The following SRGAP1 variants were observed in gnomAD, a reference collection of about 807,000 sequenced individuals.
The protein encoded by SRGAP1 is SLIT-ROBO Rho GTPase-activating protein 1.
Under a neutral mutation model 121.9 loss-of-function variants are expected in SRGAP1, and 43 were observed. That is an observed-to-expected ratio of 0.35 (90% CI 0.28 to 0.46). The LOEUF (loss-of-function observed/expected upper bound fraction) is 0.46, where lower values mean the gene tolerates loss of function less well. Among genes scored for constraint, SRGAP1 ranks in the 20% least tolerant of loss-of-function variants. SRGAP1 has a pLI of 1.00. For synonymous variants in SRGAP1, 447 were observed against 485.4 expected (o/e 0.92, Z 1.04); for missense variants, 1,102 against 1,350.9 (o/e 0.82, Z 2.89).
intron 1 of SRGAP1, among the ~76,000 whole-genome samples, chr12:63,963,058 G>C (rs1002639531): frequency 1.3e-5 from 2 of 152,090 alleles, no homozygotes; most frequent in African/African-American, 4.8e-5. Context: ...TACATTTATA[G>C]CTTATATACT....
chr12:64,068,344 A>T (rs1304890033), intron 8 of SRGAP1, among the ~76,000 whole-genome samples: 1 of 151,692 alleles, frequency 6.6e-6, no homozygotes, highest in African/African-American at 2.4e-5. Flanking sequence ...ATGAAAAAAA[A>T]ATTTTTTTTG....
intron 11 of SRGAP1, among the ~76,000 whole-genome samples, chr12:64,088,527 A>G (rs2035987768): frequency 6.6e-6 from 1 of 152,188 alleles, no homozygotes; most frequent in African/African-American, 2.4e-5. Flanking sequence ...TAGGAAACCA[A>G]ATTATCAGGA....
At position 64,110,801 on chromosome 12, in the gene SRGAP1, T is replaced by C. The variant is rs569650649; in HGVS notation, c.1920-961T>C. ...TATGTTAGCTATGGAAATTATGCTT[T>C]TGTATTTTCTACTTCCTAGACTATC... is the stretch of plus-strand genomic sequence containing the variant. On this transcript the variant is annotated intron_variant, in intron 16 of 21. Coordinates refer to ENST00000355086, the MANE Select transcript of SRGAP1 (RefSeq NM_020762.4). Among the ~76,000 whole-genome samples, 42 of 152,310 alleles carry C rather than the reference T, an allele frequency of 2.8e-4. 1 individual carries two copies. In the South Asian group the frequency reaches 5.8e-3, roughly 21 times the overall value.
intron 1 of SRGAP1, among the ~76,000 whole-genome samples, chr12:63,981,954 C>G (rs2033264671): frequency 6.6e-6 from 1 of 151,874 alleles, no homozygotes; most frequent in African/African-American, 2.4e-5. Flanking sequence ...TGGCTCACGC[C>G]TGTAATCCCA....
chr12:64,087,095 A>T, intron 11 of SRGAP1, 69 bp downstream of exon 11: 1 of 1,194,082 alleles, frequency 8.4e-7, no homozygotes, highest in Non-Finnish European at 1.2e-6. Flanking sequence ...AACCATTTCA[A>T]TGCTGAAAGA....
chr12:63,851,037 TC>T (rs1296712326), intron 1 of SRGAP1, among the ~76,000 whole-genome samples: 1 of 152,036 alleles, frequency 6.6e-6, no homozygotes, highest in African/African-American at 2.4e-5. Flanking sequence ...GTATCTATAA[TC>T]CCAGCTACTC....
At chr12:63,868,329 C>T (rs921103907) in intron 1 of SRGAP1, among the ~76,000 whole-genome samples, 1 of 151,710 alleles carries the variant, frequency 6.6e-6, no homozygotes, top group African/African-American at 2.4e-5. Context: ...GTGATCCGCC[C>T]GCCTCAGCCT....
At chr12:64,108,789 C>T (rs1015558109) in intron 15 of SRGAP1, 143 bp from the exon 16 acceptor site, 10 of 458,666 alleles carry the variant, frequency 2.2e-5, no homozygotes, top group African/African-American at 7.9e-5. Context: ...ATCATTTATT[C>T]GCTGTTTTGG....
intron 6 of SRGAP1, among the ~76,000 whole-genome samples, chr12:64,048,326 A>G (rs1454094166): frequency 6.6e-6 from 1 of 152,190 alleles, no homozygotes; most frequent in African/African-American, 2.4e-5. Context: ...TGCAAATGAC[A>G]GGATCTCGTT....
intron 1 of SRGAP1, among the ~76,000 whole-genome samples, chr12:63,914,063 A>G (rs1000136384): frequency 6.6e-6 from 1 of 152,172 alleles, no homozygotes; most frequent in African/African-American, 2.4e-5. Flanking sequence ...ATCAACAGTA[A>G]TGAATTTGTT....
intron 21 of SRGAP1, 120 bp downstream of exon 21, chr12:64,128,320 T>A: frequency 3.9e-6 from 4 of 1,014,428 alleles, no homozygotes; most frequent in Non-Finnish European, 5.5e-6. Flanking sequence ...TAGAACCAAC[T>A]AAAGAAAACA....
At chr12:63,872,280 T>A (rs1359784587) in intron 1 of SRGAP1, among the ~76,000 whole-genome samples, 1 of 152,176 alleles carries the variant, frequency 6.6e-6, no homozygotes, top group African/African-American at 2.4e-5. Context: ...GGATCTCAAG[T>A]CAGACAATAA....
At chr12:64,125,335 A>G (rs948616436) in intron 18 of SRGAP1, among the ~76,000 whole-genome samples, 2 of 152,172 alleles carry the variant, frequency 1.3e-5, no homozygotes, top group Non-Finnish European at 2.9e-5. Flanking sequence ...AATTTAAGGC[A>G]TATTTGTTTT....
chr12:63,984,200 A>G, intron 2 of SRGAP1, 58 bp downstream of exon 2: 1 of 988,166 alleles, frequency 1.0e-6, no homozygotes, highest in Non-Finnish European at 1.4e-6. Flanking sequence ...TGCCTTTGCC[A>G]CCTTTGTGGA....
In SRGAP1 at chr12:64,150,011, T is replaced by C. The variant is rs552782123; in HGVS notation, c.*7339T>C. The C allele has an allele frequency of 6.6e-6, 1 of 152,310 alleles. No homozygotes were observed. Among genetic ancestry groups the C allele is most frequent in the Non-Finnish European group, 1.5e-5 (1 of 68,010 alleles). 9.4% of individuals were successfully genotyped at this position (152,310 alleles called of 1,614,324 possible). On this transcript the variant is annotated 3_prime_UTR_variant, in exon 22 of 22. Coordinates refer to ENST00000355086, the MANE Select transcript of SRGAP1 (RefSeq NM_020762.4). ...AGGTTCATCACCTCTTCAGTAGCCT[T>C]TTATCTGTTTCTACATAGTAAATAG... is the stretch of plus-strand genomic sequence containing the variant.
At chr12:63,998,633 T>G (rs553259899) in intron 3 of SRGAP1, among the ~76,000 whole-genome samples, 2 of 152,336 alleles carry the variant, frequency 1.3e-5, no homozygotes, top group Non-Finnish European at 1.5e-5. Flanking sequence ...ATTATTTATA[T>G]TCTTTTTCAT....
At position 63,871,376 on chromosome 12, in the gene SRGAP1, A is replaced by T. The variant is rs113025017; in HGVS notation, c.67+26493A>T. Among the ~76,000 whole-genome samples the T allele has an allele frequency of 4.4e-3, 675 of 152,312 alleles. 10 individuals are homozygous for T. The highest frequency in any genetic ancestry group is 0.016 in the African/African-American group (648 of 41,568). On this transcript the variant is annotated intron_variant, in intron 1 of 21. Transcript: ENST00000355086. ...CACACCTGGGTAAATTGAAATCTAAAGTGGGAGCCTGATGAGCCCTTGAGG... is the reference window on the plus strand; with the variant it reads ...CACACCTGGGTAAATTGAAATCTAATGTGGGAGCCTGATGAGCCCTTGAGG...
At chr12:64,118,350 G>T (rs1216553346) in intron 18 of SRGAP1, among the ~76,000 whole-genome samples, 5 of 151,336 alleles carry the variant, frequency 3.3e-5, no homozygotes, top group African/African-American at 1.2e-4. Context: ...GCTCACTGCA[G>T]CCTGGACTTC....
Position 64,115,173 on chromosome 12 carries a change from TGTAAAAAACTG to T in SRGAP1, c.2145-638_2145-628del, listed in dbSNP as rs375428602. 2.1e-3 allele frequency among the ~76,000 whole-genome samples: 325 copies of T among 152,330 alleles called. 1 individual carries two copies. The highest frequency in any genetic ancestry group is 7.3e-3 in the African/African-American group (303 of 41,576). On this transcript the variant is annotated intron_variant, in intron 17 of 21. Transcript: ENST00000355086. ...TAGTAAAGGAATAGCAAAATGAATT[TGTAAAAAACTG>T]GTCTATCCATAGGGCAATAATCATA...
Sources: allele counts gnomAD v4.1 joint callset (sites outside exome capture counted in the v4.1 genomes callset), GRCh38; gene constraint gnomAD v4.1.1; transcripts MANE v1.5; gene names NCBI Gene and HGNC (gene_info 2026-07-23, HGNC 2026-07-21).